MTO1: variants seen among roughly 807,000 people sequenced by gnomAD.
MTO1 encodes 5-taurinomethyluridine-[tRNA] synthase subunit MTO1, mitochondrial.
MTO1 carries 46 observed loss-of-function variants against 71.6 expected under a neutral mutation model. That is an observed-to-expected ratio of 0.64 (90% CI 0.51 to 0.82). MTO1 has a LOEUF of 0.82. MTO1 is among the 40% of genes least tolerant of loss of function. The pLI, the probability that MTO1 is intolerant of heterozygous loss-of-function variation, is 0.00. For synonymous variants in MTO1, 297 were observed against 312.1 expected, an observed-to-expected ratio of 0.95 and a Z score of 0.51; for missense variants, 773 against 867.5, an observed-to-expected ratio of 0.89 and a Z score of 1.37.
intron 9 of MTO1, chr6:73,486,600 G>A (rs759714476): frequency 2.3e-5 from 10 of 435,312 alleles, no homozygotes; most frequent in Admixed American, 4.9e-5. Flanking sequence ...TTTTCCAGGC[G>A]TGGTGGCAGA....
intron 1 of MTO1, among the ~76,000 whole-genome samples, chr6:73,462,913 C>T (rs1423899761): frequency 6.6e-6 from 1 of 152,068 alleles, no homozygotes; most frequent in Non-Finnish European, 1.5e-5. Flanking sequence ...ACTTTTCCTG[C>T]CTCTGCCTAA....
At chr6:73,464,398 A>C (rs1421510274) in intron 1 of MTO1, among the ~76,000 whole-genome samples, 1 of 152,116 alleles carries the variant, frequency 6.6e-6, no homozygotes, top group East Asian at 1.9e-4. Context: ...ATTGAGCCAG[A>C]TATCTCTTTC....
Position 73,508,411 on chromosome 6 carries a change from A to G in MTO1, c.*7676A>G, listed in dbSNP as rs1467024870. ...GGGCAATCCAAATTTATAACAGTAAATTAAGATACATAAAAAAAAACACTG... is the reference window on the plus strand; with the variant it reads ...GGGCAATCCAAATTTATAACAGTAAGTTAAGATACATAAAAAAAAACACTG... On this transcript the variant is annotated 3_prime_UTR_variant, in exon 12 of 12. Transcript: ENST00000498286. 1.3e-5 allele frequency: 2 copies of G among 152,174 alleles called. No individual in the cohort carries two copies. The highest frequency in any genetic ancestry group is 2.9e-5 in the Non-Finnish European group (2 of 68,032). The allele number at this position is 152,174 out of a possible 1,614,324, so 9.4% of individuals were successfully genotyped here. A position where few individuals can be genotyped will look rare whatever the true frequency, so the allele number is the denominator to read the frequency against.
intron 10 of MTO1, among the ~76,000 whole-genome samples, chr6:73,497,415 A>G (rs1244119587): frequency 6.6e-6 from 1 of 152,012 alleles, no homozygotes; most frequent in Non-Finnish European, 1.5e-5. Context: ...TGGCCTCCCA[A>G]AGTGTTAGTA....
intron 9 of MTO1, among the ~76,000 whole-genome samples, chr6:73,489,334 G>A (rs1337444989): frequency 6.7e-6 from 1 of 148,948 alleles, no homozygotes; most frequent in Admixed American, 6.8e-5. Flanking sequence ...TGTGCACAAC[G>A]TGCAGGTTTG....
chr6:73,473,315 AATACATAG>A, intron 3 of MTO1, 42 bp from the exon 4 acceptor site: 2 of 1,494,658 alleles, frequency 1.3e-6, no homozygotes, highest in Non-Finnish European at 1.8e-6. Context: ...TAGATACATA[AATACATAG>A]ATACATAGAT....
At chr6:73,491,457 C>T (rs2150041909) in intron 9 of MTO1, among the ~76,000 whole-genome samples, 1 of 151,368 alleles carries the variant, frequency 6.6e-6, no homozygotes, top group African/African-American at 2.4e-5. Context: ...TCATTTTTAT[C>T]AGTTTGTTTT....
rs779735611 is a variant in MTO1 at position 73,462,025 on chromosome 6, G to T, written c.171G>T (p.Arg57=). 10 of 1,613,950 alleles carry T rather than the reference G, an allele frequency of 6.2e-6. No homozygotes were observed. The South Asian group carries it at 1.1e-4, about 18-fold the overall frequency. ...CTGAGGCAGCCACCGCCGCCGCTCG[G>T]TGCGGCTCTCGGACTCTGCTCCTCA... is the stretch of plus-strand genomic sequence containing the variant. The part of the protein sequence containing the change: ...AGTEAATAAA[R]CGSRTLLLTH... Residue 57 remains arginine, a synonymous_variant, in exon 1 of 12, where the codon CGG becomes CGT. Coordinates refer to ENST00000498286, the MANE Select transcript of MTO1 (RefSeq NM_012123.4).
chr6:73,475,793 T>G lies in MTO1; in HGVS notation c.825+2139T>G, dbSNP rs9446908. On this transcript the variant is annotated intron_variant, in intron 4 of 11. Coordinates refer to ENST00000498286, the MANE Select transcript of MTO1 (RefSeq NM_012123.4). ...TCCCAAAGTGTTGGGATTACAGGTG[T>G]GAGCCATCGCACCCAACTGGTCTCA... Among the ~76,000 whole-genome samples, 1,309 of 152,144 alleles carry G rather than the reference T, an allele frequency of 8.6e-3. 18 individuals are homozygous for G. The highest frequency in any genetic ancestry group is 0.03 in the African/African-American group (1,238 of 41,530).
intron 10 of MTO1, among the ~76,000 whole-genome samples, chr6:73,494,379 T>C (rs1771922434): frequency 6.6e-6 from 1 of 152,044 alleles, no homozygotes; most frequent in African/African-American, 2.4e-5. Context: ...AGTTGGATGA[T>C]GGTGTGCTGT....
At chr6:73,482,878 G>A (rs553501435) in intron 9 of MTO1, among the ~76,000 whole-genome samples, 3 of 129,256 alleles carry the variant, frequency 2.3e-5, no homozygotes, top group Non-Finnish European at 3.1e-5. Flanking sequence ...TGCAAGCTCC[G>A]CCTCCCGGGT....
chr6:73,483,464 A>T (rs2150038179), intron 9 of MTO1, among the ~76,000 whole-genome samples: 1 of 152,026 alleles, frequency 6.6e-6, no homozygotes, highest in Admixed American at 6.5e-5. Context: ...TTTATTTTTT[A>T]TATGATTTCT....
At chr6:73,487,263 G>T (rs1771679532) in intron 9 of MTO1, among the ~76,000 whole-genome samples, 1 of 138,334 alleles carries the variant, frequency 7.2e-6, no homozygotes, top group African/African-American at 2.8e-5. Flanking sequence ...CACAATTTCT[G>T]CTCACTGCAA....
chr6:73,490,803 TTAAC>T (rs1210318742), intron 9 of MTO1, among the ~76,000 whole-genome samples: 1 of 151,812 alleles, frequency 6.6e-6, no homozygotes, highest in Non-Finnish European at 1.5e-5. Flanking sequence ...TAAGTAATAA[TTAAC>T]AGAGCAACAA....
chr6:73,493,151 C>T (rs773994765), intron 10 of MTO1, among the ~76,000 whole-genome samples: 9 of 151,048 alleles, frequency 6.0e-5, no homozygotes, highest in Admixed American at 2.6e-4. Flanking sequence ...TGCACCACCA[C>T]GCCTGGCTAA....
At position 73,461,766 on chromosome 6, in the gene MTO1, G is replaced by T; in HGVS notation, c.-89G>T. 3 of 1,402,082 alleles carry T rather than the reference G, an allele frequency of 2.1e-6. No individual in the cohort carries two copies. The highest frequency in any genetic ancestry group is 3.0e-6 in the Non-Finnish European group (3 of 1,014,164). The allele number at this position is 1,402,082 out of a possible 1,614,324, so 86.9% of individuals were successfully genotyped here. Reference sequence around the variant, plus strand: ...TACCCCGTGATATTAAAGCAAGATGGCCGCGCCCTGCAGATTGTCTCTTGT... The same window carrying T: ...TACCCCGTGATATTAAAGCAAGATGTCCGCGCCCTGCAGATTGTCTCTTGT... On this transcript the variant is annotated 5_prime_UTR_variant, in exon 1 of 12. Transcript: ENST00000498286.
rs1413077556 is a variant in MTO1 at position 73,504,876 on chromosome 6, A to AC, written c.*4144dup. The AC allele has an allele frequency of 6.6e-6, 1 of 151,698 alleles. No homozygotes were observed. The highest frequency in any genetic ancestry group is 6.6e-5 in the Admixed American group (1 of 15,198). The allele number at this position is 151,698 out of a possible 1,614,324, so 9.4% of individuals were successfully genotyped here. On this transcript the variant is annotated 3_prime_UTR_variant, in exon 12 of 12. Coordinates refer to ENST00000498286, the MANE Select transcript of MTO1 (RefSeq NM_012123.4). ...ACTCCAGCCTGGGCAACAGAGTGAG[A>AC]CCCTGCCTGAAAAAAAGCCCAGGTG...
chr6:73,488,707 A>C (rs1771725980), intron 9 of MTO1, among the ~76,000 whole-genome samples: 1 of 151,828 alleles, frequency 6.6e-6, no homozygotes, highest in African/African-American at 2.4e-5. Context: ...TCAGGAGTTC[A>C]AGACGAGCCT....
chr6:73,483,039 G>C (rs542801818), intron 9 of MTO1, among the ~76,000 whole-genome samples: 1 of 151,872 alleles, frequency 6.6e-6, no homozygotes, highest in Non-Finnish European at 1.5e-5. Flanking sequence ...TGATCCGCCC[G>C]CCTCGGCCTC....
Sources: gnomAD v4.1 joint callset for allele counts (sites outside exome capture counted in the v4.1 genomes callset) on GRCh38, gnomAD v4.1.1 for gene constraint, MANE v1.5 for transcripts, NCBI Gene and HGNC (gene_info 2026-07-23, HGNC 2026-07-21) for gene names.